FOXP2: variants seen among roughly 807,000 people sequenced by gnomAD.
The protein encoded by FOXP2 is forkhead box protein P2.
In FOXP2, 12 loss-of-function variants were observed where a neutral mutation model predicts 115.8. That is an observed-to-expected ratio of 0.10 (90% confidence interval 0.07 to 0.17). The LOEUF is 0.17. Among genes scored for constraint, FOXP2 ranks in the 10% least tolerant of loss-of-function variants. The pLI, the probability that FOXP2 is intolerant of heterozygous loss-of-function variation, is 1.00. For synonymous variants in FOXP2, 328 were observed against 297.7 expected, an observed-to-expected ratio of 1.10 and a Z score of -1.05; for missense variants, 629 against 843.5, an observed-to-expected ratio of 0.75 and a Z score of 3.15.
intron 1 of FOXP2, among the ~76,000 whole-genome samples, chr7:114,242,868 T>C (rs75179474): frequency 0.042 from 6,339 of 152,242 alleles, 327 homozygotes; most frequent in African/African-American, 0.12. Context: ...AGAAATGTCC[T>C]GCCTAATGCA....
intron 1 of FOXP2, among the ~76,000 whole-genome samples, chr7:114,191,191 C>T (rs543475553): frequency 6.6e-6 from 1 of 152,220 alleles, no homozygotes; most frequent in South Asian, 2.1e-4. Context: ...TAGTCTTTAG[C>T]TGTCATTTTT....
intron 2 of FOXP2, among the ~76,000 whole-genome samples, chr7:114,363,820 A>G (rs1791811372): frequency 1.3e-5 from 2 of 152,104 alleles, no homozygotes; most frequent in Admixed American, 6.6e-5. Flanking sequence ...TTGTGTATAT[A>G]TGTGTATTTA....
intron 1 of FOXP2, among the ~76,000 whole-genome samples, chr7:114,252,414 T>C (rs955581235): frequency 2.0e-5 from 3 of 152,192 alleles, no homozygotes; most frequent in African/African-American, 7.2e-5. Flanking sequence ...TGTGAATCCA[T>C]CTGGTCCTGG....
At chr7:114,194,438 G>A (rs1339691227) in intron 1 of FOXP2, among the ~76,000 whole-genome samples, 1 of 151,310 alleles carries the variant, frequency 6.6e-6, no homozygotes, top group African/African-American at 2.4e-5. Flanking sequence ...TTAACATTGT[G>A]TTATTTCATT....
At position 114,348,302 on chromosome 7, in the gene FOXP2, A is replaced by G. The variant is rs1261149452; in HGVS notation, c.-11+60193A>G. ...GACATCTAAGCTCACCAAGCTCACC[A>G]TTCTTTGACCTTTTCTTTTTTATCC... On this transcript the variant is annotated intron_variant, in intron 2 of 17. Coordinates refer to the FOXP2 transcript ENST00000634411. Among the ~76,000 whole-genome samples, 10 of 152,110 alleles carry G rather than the reference A, an allele frequency of 6.6e-5. 1 individual carries two copies. Among genetic ancestry groups the G allele is most frequent in the Middle Eastern group, 3.4e-3 (1 of 294 alleles).
At chr7:114,548,959 T>C (rs1268391013) in intron 3 of FOXP2, among the ~76,000 whole-genome samples, 2 of 152,230 alleles carry the variant, frequency 1.3e-5, no homozygotes, top group Non-Finnish European at 1.5e-5. Context: ...TATTAGATTC[T>C]GGTATCACTG....
At chr7:114,115,445 A>G (rs1791377013) in intron 1 of FOXP2, among the ~76,000 whole-genome samples, 1 of 152,126 alleles carries the variant, frequency 6.6e-6, no homozygotes, top group African/African-American at 2.4e-5. Flanking sequence ...TCAGAGTTGT[A>G]CAGTACATGG....
chr7:114,201,547 T>C (rs922157084), intron 1 of FOXP2, among the ~76,000 whole-genome samples: 1 of 152,230 alleles, frequency 6.6e-6, no homozygotes, highest in African/African-American at 2.4e-5. Context: ...TTGATCATTT[T>C]ACTGATATAT....
chr7:114,346,819 G>C (rs187173550), intron 2 of FOXP2, among the ~76,000 whole-genome samples: 2 of 151,802 alleles, frequency 1.3e-5, no homozygotes, highest in African/African-American at 4.8e-5. Context: ...ATAGAGAGTG[G>C]TTGGTCAAAA....
intron 3 of FOXP2, among the ~76,000 whole-genome samples, chr7:114,562,098 A>T (rs905998069): frequency 1.3e-5 from 2 of 152,128 alleles, no homozygotes; most frequent in African/African-American, 2.4e-5. Context: ...CTTCCTGATC[A>T]TGTTGTATCC....
intron 1 of FOXP2, among the ~76,000 whole-genome samples, chr7:114,119,295 A>G (rs1791495233): frequency 6.6e-6 from 1 of 152,144 alleles, no homozygotes; most frequent in African/African-American, 2.4e-5. Context: ...GGCAGCTGGA[A>G]TTACCAATAT....
intron 1 of FOXP2, among the ~76,000 whole-genome samples, chr7:114,240,933 C>A (rs1249179972): frequency 6.6e-6 from 1 of 151,866 alleles, no homozygotes; most frequent in Admixed American, 6.6e-5. Context: ...GGTTATTTTT[C>A]AGTGAGTTGT....
At chr7:114,455,875 T>C (rs1584757281) in intron 2 of FOXP2, among the ~76,000 whole-genome samples, 1 of 152,314 alleles carries the variant, frequency 6.6e-6, no homozygotes, top group African/African-American at 2.4e-5. Context: ...TGCCTGTCTG[T>C]CCTGCCTCAC....
chr7:114,604,027 A>G (rs1242213279), intron 3 of FOXP2, among the ~76,000 whole-genome samples: 3 of 152,190 alleles, frequency 2.0e-5, no homozygotes, highest in Non-Finnish European at 4.4e-5. Flanking sequence ...TACAATGTTA[A>G]GTACAGGATT....
intron 3 of FOXP2, among the ~76,000 whole-genome samples, chr7:114,550,438 ATTTC>A (rs1336139483): frequency 6.6e-6 from 1 of 151,880 alleles, no homozygotes; most frequent in East Asian, 1.9e-4. Flanking sequence ...TGAAGAAGGT[ATTTC>A]TTTCTTCCAA....
At chr7:114,186,244 T>A (rs1181640936) in intron 1 of FOXP2, among the ~76,000 whole-genome samples, 1 of 152,154 alleles carries the variant, frequency 6.6e-6, no homozygotes, top group Admixed American at 6.5e-5. Flanking sequence ...TCAAAAGTCT[T>A]AATTTGTTCC....
chr7:114,690,506 G>T lies in FOXP2; in HGVS notation c.*580G>T, dbSNP rs1440378664. 1 of 454,000 alleles carries T rather than the reference G, an allele frequency of 2.2e-6. No homozygotes were observed. Among genetic ancestry groups the T allele is most frequent in the Admixed American group, 2.4e-5 (1 of 42,538 alleles). The allele number at this position is 454,000 out of a possible 1,614,324, so 28.1% of individuals were successfully genotyped here. The stretch of plus-strand genomic sequence containing the variant: ...GTTTTTTATGTTGGTGCCACCAACT[G>T]TAAATGACATAAGTTAGTTATTACA... On this transcript the variant is annotated 3_prime_UTR_variant, in exon 17 of 17. Transcript: ENST00000350908.
At chr7:114,463,332 AT>A (rs1795662292) in intron 2 of FOXP2, among the ~76,000 whole-genome samples, 1 of 152,260 alleles carries the variant, frequency 6.6e-6, no homozygotes, top group Non-Finnish European at 1.5e-5. Context: ...CCAATAGAAC[AT>A]TCTGTGATGA....
At chr7:114,661,755 T>C in intron 13 of FOXP2, 1 of 362,578 alleles carries the variant, frequency 2.8e-6, no homozygotes, top group Non-Finnish European at 5.3e-6. Context: ...CTGACCTAAT[T>C]GTTCTGGCAT....
Sources: allele counts gnomAD v4.1 joint callset (sites outside exome capture counted in the v4.1 genomes callset), GRCh38; gene constraint gnomAD v4.1.1; transcripts MANE v1.5; gene names NCBI Gene and HGNC (gene_info 2026-07-23, HGNC 2026-07-21).